DENND1A: variants seen among roughly 807,000 people sequenced by gnomAD.
DENND1A encodes DENN domain-containing protein 1A.
Under a neutral mutation model 113.7 loss-of-function variants are expected in DENND1A, and 51 were observed. The observed-to-expected ratio is 0.45, with a 90% CI of 0.36 to 0.57. The LOEUF is 0.57. DENND1A is among the 20% of genes least tolerant of loss of function. The pLI, the probability that DENND1A is intolerant of heterozygous loss-of-function variation, is 0.00. For missense variants in DENND1A, 1,258 were observed against 1,395.9 expected (o/e 0.90, Z 1.57); for synonymous variants, 565 against 570.8 (o/e 0.99, Z 0.14).
chr9:123,863,961 T>C (rs1845447680), intron 2 of DENND1A, among the ~76,000 whole-genome samples: 1 of 150,698 alleles, frequency 6.6e-6, no homozygotes, highest in South Asian at 2.1e-4. Flanking sequence ...ATTGAAAATA[T>C]ATTAACAAAA....
At chr9:123,912,582 T>A (rs1422882299) in intron 1 of DENND1A, among the ~76,000 whole-genome samples, 1 of 152,072 alleles carries the variant, frequency 6.6e-6, no homozygotes, top group African/African-American at 2.4e-5. Flanking sequence ...AAAGCCTAGG[T>A]TTCTGGGCTG....
intron 11 of DENND1A, among the ~76,000 whole-genome samples, chr9:123,607,547 AGTGTGTGTGT>A (rs555605927): frequency 5.9e-5 from 4 of 68,002 alleles, no homozygotes; most frequent in Non-Finnish European, 1.3e-4. Flanking sequence ...AGAGAGAGAG[AGTGTGTGTGT>A]GTGTGTGTGT....
intron 11 of DENND1A, among the ~76,000 whole-genome samples, chr9:123,604,407 A>G (rs556607385): frequency 3.3e-5 from 5 of 152,334 alleles, no homozygotes; most frequent in African/African-American, 1.2e-4. Flanking sequence ...TGGTCTACAC[A>G]CAATCCTGTG....
intron 5 of DENND1A, among the ~76,000 whole-genome samples, chr9:123,740,760 G>C (rs1012260685): frequency 2.6e-5 from 4 of 152,138 alleles, no homozygotes; most frequent in African/African-American, 4.8e-5. Flanking sequence ...CACATGGCTC[G>C]TAAGTCAGAA....
chr9:123,853,975 A>C (rs1422159894), intron 2 of DENND1A, among the ~76,000 whole-genome samples: 1 of 152,222 alleles, frequency 6.6e-6, no homozygotes, highest in East Asian at 1.9e-4. Context: ...TATATGTATC[A>C]TCACCTTTAG....
intron 19 of DENND1A, among the ~76,000 whole-genome samples, chr9:123,417,775 A>G (rs1232436112): frequency 6.6e-6 from 1 of 152,022 alleles, no homozygotes; most frequent in East Asian, 1.9e-4. Context: ...TTGTCCATTC[A>G]TTCAACAAAC....
chr9:123,642,374 T>A (rs1025124602), intron 9 of DENND1A, among the ~76,000 whole-genome samples: 1 of 152,234 alleles, frequency 6.6e-6, no homozygotes, highest in African/African-American at 2.4e-5. Context: ...ATAACGGAGA[T>A]TAGAGAGGCT....
intron 5 of DENND1A, among the ~76,000 whole-genome samples, chr9:123,679,660 A>G (rs1004765307): frequency 1.3e-5 from 2 of 152,188 alleles, no homozygotes; most frequent in Non-Finnish European, 2.9e-5. Context: ...TTGGGAGGCC[A>G]GGGTTCACAG....
chr9:123,594,302 T>C (rs142100151), intron 11 of DENND1A, among the ~76,000 whole-genome samples: 63 of 152,298 alleles, frequency 4.1e-4, no homozygotes, highest in African/African-American at 1.5e-3. Flanking sequence ...CCACTAGCTG[T>C]TGTGTTTCTC....
At chr9:123,449,855 G>C (rs1283451098) in intron 18 of DENND1A, among the ~76,000 whole-genome samples, 3 of 152,144 alleles carry the variant, frequency 2.0e-5, no homozygotes, top group Non-Finnish European at 4.4e-5. Flanking sequence ...AGGCTGGGAA[G>C]GGGGTGAGGG....
chr9:123,562,271 A>G (rs2057802958), intron 12 of DENND1A, among the ~76,000 whole-genome samples: 1 of 152,166 alleles, frequency 6.6e-6, no homozygotes, highest in Non-Finnish European at 1.5e-5. Flanking sequence ...GCTACTCTTC[A>G]GCCCATTTCC....
At chr9:123,704,723 TA>T (rs1212690878) in intron 5 of DENND1A, among the ~76,000 whole-genome samples, 24 of 152,126 alleles carry the variant, frequency 1.6e-4, no homozygotes, top group Admixed American at 1.6e-3. Context: ...TCTCATTTTT[TA>T]AAGGAATGAT....
At chr9:123,639,535 T>C (rs1025333862) in intron 9 of DENND1A, among the ~76,000 whole-genome samples, 2 of 150,656 alleles carry the variant, frequency 1.3e-5, no homozygotes, top group African/African-American at 4.9e-5. Flanking sequence ...CCCAGCACTT[T>C]GGGAGGCTGA....
chr9:123,390,661 C>T (rs1244248357), intron 21 of DENND1A, among the ~76,000 whole-genome samples: 2 of 152,260 alleles, frequency 1.3e-5, no homozygotes, highest in Non-Finnish European at 2.9e-5. Flanking sequence ...GCTAGCTGTG[C>T]ACTGGGGCAT....
intron 12 of DENND1A, among the ~76,000 whole-genome samples, chr9:123,581,135 CCT>C (rs1224599506): frequency 6.6e-6 from 1 of 152,000 alleles, no homozygotes; most frequent in African/African-American, 2.4e-5. Context: ...CTTGGCTCCT[CCT>C]CTCTCTAGCT....
At chr9:123,505,544 T>C (rs2052853436) in intron 13 of DENND1A, among the ~76,000 whole-genome samples, 1 of 152,170 alleles carries the variant, frequency 6.6e-6, no homozygotes, top group Admixed American at 6.5e-5. Flanking sequence ...ATAAAATTAT[T>C]TCATTAACTA....
chr9:123,827,964 A>C (rs1839616139), intron 2 of DENND1A, among the ~76,000 whole-genome samples: 1 of 152,212 alleles, frequency 6.6e-6, no homozygotes, highest in East Asian at 1.9e-4. Flanking sequence ...CTGGTTTTGA[A>C]TATACAACAA....
chr9:123,708,681 T>A (rs1278298689), intron 5 of DENND1A, among the ~76,000 whole-genome samples: 3 of 152,206 alleles, frequency 2.0e-5, no homozygotes, highest in Admixed American at 6.5e-5. Flanking sequence ...TTTCTTCTTC[T>A]AGTTTCTTAT....
chr9:123,599,393 C>A (rs952148276), intron 11 of DENND1A, among the ~76,000 whole-genome samples: 1 of 152,208 alleles, frequency 6.6e-6, no homozygotes, highest in African/African-American at 2.4e-5. Flanking sequence ...GGCATGGTTA[C>A]TACATCACAG....
Sources: gnomAD v4.1 joint callset for allele counts (sites outside exome capture counted in the v4.1 genomes callset) on GRCh38, gnomAD v4.1.1 for gene constraint, MANE v1.5 for transcripts, NCBI Gene and HGNC (gene_info 2026-07-23, HGNC 2026-07-21) for gene names.